The following GBF1 variants were observed in gnomAD, a reference collection of about 807,000 sequenced individuals.
GBF1 encodes golgi brefeldin A resistant guanine nucleotide exchange factor 1, also known as Golgi-specific brefeldin A-resistance guanine nucleotide exchange factor 1.
In GBF1, 114 loss-of-function variants were observed where a neutral mutation model predicts 210.5. That is an observed-to-expected ratio of 0.54 (90% CI 0.47 to 0.63). The LOEUF is 0.63. Ranked by LOEUF, GBF1 falls within the 30% of genes least tolerant of loss-of-function variation. The pLI is 0.00. For missense variants in GBF1, 1,851 were observed against 2,357.7 expected (o/e 0.79, Z 4.45); for synonymous variants, 850 against 889.2 (o/e 0.96, Z 0.78).
intron 3 of GBF1, among the ~76,000 whole-genome samples, chr10:102,326,319 T>C (rs183202633): frequency 2.1e-3 from 321 of 152,336 alleles, no homozygotes; most frequent in African/African-American, 5.7e-3. Context: ...TCAATGAGAA[T>C]ATTATAAGCT....
intron 3 of GBF1, among the ~76,000 whole-genome samples, chr10:102,336,580 C>G (rs902913056): frequency 1.3e-5 from 2 of 152,020 alleles, no homozygotes; most frequent in Non-Finnish European, 2.9e-5. Flanking sequence ...ATCTAATACC[C>G]ATTTACAAGT....
intron 7 of GBF1, 67 bp from the exon 8 acceptor site, chr10:102,353,533 T>G: frequency 9.1e-7 from 1 of 1,093,380 alleles, no homozygotes; most frequent in Middle Eastern, 2.0e-4. Context: ...CTTTGGTTTG[T>G]GGCTGGCATG....
At chr10:102,357,986 A>C in intron 8 of GBF1, 53 bp from the exon 9 acceptor site, 4 of 1,217,238 alleles carry the variant, frequency 3.3e-6, no homozygotes, top group Non-Finnish European at 4.9e-6. Context: ...GGAGATTAAT[A>C]GGGATAGAGT....
At chr10:102,293,820 C>CAGGCTAG (rs1159351497) in intron 3 of GBF1, among the ~76,000 whole-genome samples, 2 of 106,638 alleles carry the variant, frequency 1.9e-5, no homozygotes, top group Non-Finnish European at 3.6e-5. Flanking sequence ...CTCTGTCGCC[C>CAGGCTAG]AGGCTAGAGT....
intron 5 of GBF1, 62 bp downstream of exon 5, chr10:102,351,436 T>G (rs1234294628): frequency 1.2e-5 from 11 of 904,398 alleles, no homozygotes; most frequent in Non-Finnish European, 2.1e-5. Flanking sequence ...AGACTCTACT[T>G]ACTCTGCCCA....
chr10:102,268,492 C>CTT (rs1392180837), intron 3 of GBF1, among the ~76,000 whole-genome samples: 1 of 152,186 alleles, frequency 6.6e-6, no homozygotes, highest in Admixed American at 6.6e-5. Flanking sequence ...CATTTGTCCT[C>CTT]TTTAGCACAG....
At chr10:102,379,244 C>T in intron 33 of GBF1, 40 bp from the exon 34 acceptor site, 3 of 1,598,202 alleles carry the variant, frequency 1.9e-6, no homozygotes, top group Non-Finnish European at 2.6e-6. Flanking sequence ...ATCCACGAGA[C>T]CTAACCCCAC....
upstream of GBF1, among the ~76,000 whole-genome samples, chr10:102,245,365 C>G (rs138223683): frequency 0.015 from 2,267 of 152,306 alleles, 27 homozygotes; most frequent in South Asian, 0.023. Context: ...CTAACATACC[C>G]TTTCTTTCCC....
chr10:102,350,648 T>G lies in GBF1; in HGVS notation c.296-608T>G, dbSNP rs567877530. ...GAGTATGGTCCCCTGCTCGGTGGTG[T>G]TTAACTTCAACTGGGGTCTTGTTAG... On this transcript the variant is annotated intron_variant, in intron 4 of 39. Coordinates refer to ENST00000369983, the MANE Select transcript of GBF1 (RefSeq NM_001377137.1). 1.1e-4 allele frequency among the ~76,000 whole-genome samples: 16 copies of G among 152,228 alleles called. No homozygotes were observed. In the East Asian group the frequency reaches 3.1e-3, roughly 29 times the overall value.
intron 3 of GBF1, among the ~76,000 whole-genome samples, chr10:102,308,457 A>G (rs1018040867): frequency 1.3e-5 from 2 of 152,172 alleles, no homozygotes; most frequent in African/African-American, 2.4e-5. Context: ...TCCCAATAGC[A>G]AAGACTTGGA....
At chr10:102,306,790 T>C (rs1380690028) in intron 3 of GBF1, among the ~76,000 whole-genome samples, 4 of 152,246 alleles carry the variant, frequency 2.6e-5, no homozygotes, top group Non-Finnish European at 5.9e-5. Context: ...GCTTATATTA[T>C]TGAGAACATG....
At chr10:102,256,192 A>G (rs575029488) in intron 1 of GBF1, among the ~76,000 whole-genome samples, 1 of 152,032 alleles carries the variant, frequency 6.6e-6, no homozygotes, top group South Asian at 2.1e-4. Flanking sequence ...TGATCTGCCC[A>G]CCTCAGCCTT....
chr10:102,369,474 G>T, intron 24 of GBF1, 87 bp downstream of exon 24: 1 of 1,127,968 alleles, frequency 8.9e-7, no homozygotes. Context: ...AAGTGGTTGA[G>T]AGTAATGTTG....
At position 102,325,656 on chromosome 10, in the gene GBF1, T is replaced by C. The variant is rs537434221; in HGVS notation, c.164-18395T>C. The stretch of plus-strand genomic sequence containing the variant: ...GAACTTACAAAAGTTTTTTTTGTTT[T>C]TGTTTTTTTTTAAGACACAGTCTCA... On this transcript the variant is annotated intron_variant, in intron 3 of 39. Transcript: ENST00000369983. Among the ~76,000 whole-genome samples the C allele has an allele frequency of 2.6e-5, 4 of 152,136 alleles. No homozygotes were observed. The East Asian group carries it at 7.7e-4, about 29-fold the overall frequency.
At chr10:102,292,296 G>A (rs1258336613) in intron 3 of GBF1, among the ~76,000 whole-genome samples, 2 of 150,924 alleles carry the variant, frequency 1.3e-5, no homozygotes, top group Non-Finnish European at 3.0e-5. Flanking sequence ...AAACAGAAAA[G>A]AAAAAAAAAT....
intron 11 of GBF1, 98 bp from the exon 12 acceptor site, chr10:102,360,086 C>G: frequency 1.3e-6 from 1 of 787,864 alleles, no homozygotes; most frequent in East Asian, 2.4e-5. Context: ...AAGAGAATCA[C>G]TTACCTAAAA....
chr10:102,234,937 C>A, the GBF1 span, among the ~76,000 whole-genome samples: 1 of 152,154 alleles, frequency 6.6e-6, no homozygotes, highest in Non-Finnish European at 1.5e-5. Context: ...GCCAGAAAGC[C>A]GAGTTCAGGC....
chr10:102,371,837 G>A (rs760512256), intron 29 of GBF1, among the ~76,000 whole-genome samples: 1 of 152,018 alleles, frequency 6.6e-6, no homozygotes, highest in African/African-American at 2.4e-5. Flanking sequence ...GCTGAGGCAG[G>A]AGAATCGCTT....
intron 3 of GBF1, among the ~76,000 whole-genome samples, chr10:102,266,170 C>T (rs2073851931): frequency 6.6e-6 from 1 of 151,776 alleles, no homozygotes; most frequent in African/African-American, 2.4e-5. Context: ...ACCTGGGAGG[C>T]GCAGCTTGCA....
Sources: gnomAD v4.1 joint callset for allele counts (sites outside exome capture counted in the v4.1 genomes callset) on GRCh38, gnomAD v4.1.1 for gene constraint, MANE v1.5 for transcripts, NCBI Gene and HGNC (gene_info 2026-07-23, HGNC 2026-07-21) for gene names.